Variants in PARN observed in about 807,000 individuals in gnomAD.
The protein encoded by PARN is poly(A)-specific ribonuclease PARN.
A neutral mutation model predicts 102.8 loss-of-function variants in PARN; 71 were observed. The observed-to-expected ratio is 0.69, with a 90% CI of 0.57 to 0.84. The LOEUF (loss-of-function observed/expected upper bound fraction) is 0.84. Among genes scored for constraint, PARN ranks in the 40% least tolerant of loss-of-function variants. The probability of loss-of-function intolerance (pLI) is 0.00; values close to 1 mark genes in which losing one functional copy is unlikely to be tolerated. For synonymous variants in PARN, 261 were observed against 252.9 expected (o/e 1.03, Z -0.30); for missense variants, 782 against 760.9 (o/e 1.03, Z -0.33).
chr16:14,552,036 C>T lies in PARN; in HGVS notation c.1465G>A (p.Glu489Lys), dbSNP rs576638299. The part of the protein sequence containing the change: ...TSAFVSLSQP[E>K]QVKIAVNTSK... ...AAACACTTACCAATCTTTACTTGCT[C>T]GGGCTGGCTAAGGGAAACAAATGCT... is the stretch of plus-strand genomic sequence containing the variant. The change falls in exon 21 of 24, where the codon GAG becomes AAG. Residue 489 changes from glutamate (E) to lysine (K), a missense_variant. Transcript: ENST00000437198. 16 of 1,611,242 alleles carry T rather than the reference C, an allele frequency of 9.9e-6. No individual in the cohort carries two copies. Among genetic ancestry groups the T allele is most frequent in the African/African-American group, 2.7e-5 (2 of 74,944 alleles).
chr16:14,456,046 A>G (rs527531215), intron 22 of PARN, among the ~76,000 whole-genome samples: 47 of 152,332 alleles, frequency 3.1e-4, no homozygotes, highest in African/African-American at 1.1e-3. Flanking sequence ...TGGAAAAACT[A>G]TGGGAAATCA....
intron 5 of PARN, among the ~76,000 whole-genome samples, chr16:14,623,276 G>A (rs1298772878): frequency 6.6e-6 from 1 of 151,974 alleles, no homozygotes; most frequent in Non-Finnish European, 1.5e-5. Flanking sequence ...AGCACTTTGG[G>A]AGGCCGAGGT....
intron 23 of PARN, among the ~76,000 whole-genome samples, chr16:14,439,352 G>A (rs922566671): frequency 2.0e-5 from 3 of 147,196 alleles, no homozygotes; most frequent in South Asian, 4.5e-4. Flanking sequence ...AGCCTGGGTG[G>A]GTGACAGAGT....
intron 13 of PARN, among the ~76,000 whole-genome samples, chr16:14,587,367 C>G (rs1054471487): frequency 6.6e-6 from 1 of 152,166 alleles, no homozygotes; most frequent in Non-Finnish European, 1.5e-5. Context: ...CAGTTCTAGA[C>G]CAATGTCTTC....
At chr16:14,530,220 A>G (rs1275330790) in intron 21 of PARN, among the ~76,000 whole-genome samples, 2 of 152,212 alleles carry the variant, frequency 1.3e-5, no homozygotes, top group African/African-American at 2.4e-5. Flanking sequence ...TGGAGACCAC[A>G]GGGTGAAGGA....
intron 21 of PARN, among the ~76,000 whole-genome samples, chr16:14,514,011 T>C (rs1362903485): frequency 6.6e-6 from 1 of 152,076 alleles, no homozygotes; most frequent in Non-Finnish European, 1.5e-5. Flanking sequence ...CTAGTGCACA[T>C]AAGGGATTGT....
intron 14 of PARN, among the ~76,000 whole-genome samples, chr16:14,586,110 GCT>G (rs1969840241): frequency 6.6e-6 from 1 of 151,298 alleles, no homozygotes; most frequent in Non-Finnish European, 1.5e-5. Flanking sequence ...CTCCTGAGTA[GCT>G]GGACCACACG....
In PARN at chr16:14,554,155, C is replaced by G. The variant is rs760900593; in HGVS notation, c.1319-4G>C. 5.6e-6 allele frequency: 9 copies of G among 1,600,250 alleles called. No individual in the cohort carries two copies. The highest frequency in any genetic ancestry group is 6.8e-6 in the Non-Finnish European group (8 of 1,170,652). ...ACATGATCACGTTTAGGCTGCACTA[C>G]AAGACAAATTTATGATGAAATATTG... On this transcript the variant is annotated splice_polypyrimidine_tract_variant and splice_region_variant and intron_variant, in intron 19 of 23. Transcript: ENST00000437198.
intron 5 of PARN, among the ~76,000 whole-genome samples, chr16:14,617,936 G>A (rs752933955): frequency 2.0e-5 from 3 of 152,096 alleles, no homozygotes; most frequent in Non-Finnish European, 4.4e-5. Context: ...CAAACTTCCG[G>A]ACTCAAGCAA....
intron 23 of PARN, among the ~76,000 whole-genome samples, chr16:14,445,108 G>C (rs1961139722): frequency 6.9e-6 from 1 of 145,400 alleles, no homozygotes; most frequent in Admixed American, 7.3e-5. Flanking sequence ...GATTATAGTT[G>C]TGAGCTACCA....
intron 18 of PARN, among the ~76,000 whole-genome samples, chr16:14,561,399 C>G (rs187582623): frequency 1.3e-5 from 2 of 152,250 alleles, no homozygotes; most frequent in Admixed American, 6.5e-5. Flanking sequence ...TGAGAATCAC[C>G]GAGTTAACAG....
At chr16:14,592,590 G>A (rs997933631) in intron 13 of PARN, among the ~76,000 whole-genome samples, 1 of 152,148 alleles carries the variant, frequency 6.6e-6, no homozygotes, top group African/African-American at 2.4e-5. Context: ...GCACTACTGA[G>A]GTCAGCAGAG....
chr16:14,602,159 T>C (rs1970911938), intron 11 of PARN: 1 of 152,022 alleles, frequency 6.6e-6, no homozygotes, highest in Non-Finnish European at 1.5e-5. Flanking sequence ...AAAAAACTAC[T>C]GCCAGGGCTG....
chr16:14,619,391 G>A (rs1972141221), intron 5 of PARN, among the ~76,000 whole-genome samples: 2 of 151,212 alleles, frequency 1.3e-5, no homozygotes, highest in Admixed American at 1.3e-4. Context: ...CTGGAGCCCA[G>A]GAGTTTGTGT....
intron 23 of PARN, among the ~76,000 whole-genome samples, chr16:14,442,506 T>C (rs1960987636): frequency 6.6e-6 from 1 of 152,162 alleles, no homozygotes; most frequent in African/African-American, 2.4e-5. Flanking sequence ...GAAACAACCA[T>C]ACTTACAAGA....
intron 5 of PARN, among the ~76,000 whole-genome samples, chr16:14,621,446 T>C (rs1972292543): frequency 6.6e-6 from 1 of 152,212 alleles, no homozygotes; most frequent in Non-Finnish European, 1.5e-5. Context: ...TTAATGCCAC[T>C]GAGCTATACA....
At chr16:14,629,791 G>C (rs1264986679) in intron 1 of PARN, 117 bp from the exon 2 acceptor site, 1 of 798,692 alleles carries the variant, frequency 1.3e-6, no homozygotes, top group Non-Finnish European at 2.2e-6. Flanking sequence ...AAGTCCCGGA[G>C]GTGTGCACCG....
At chr16:14,448,339 G>C (rs1451684664) in intron 22 of PARN, among the ~76,000 whole-genome samples, 3 of 152,246 alleles carry the variant, frequency 2.0e-5, no homozygotes, top group East Asian at 1.9e-4. Context: ...AGTAGAGATG[G>C]GGTTTCACCA....
rs1962010143 is a variant in PARN at position 14,461,968 on chromosome 16, C to T, written c.1671-14887G>A. Among the ~76,000 whole-genome samples the T allele has an allele frequency of 1.3e-5, 2 of 152,186 alleles. 1 individual carries two copies. The highest frequency in any genetic ancestry group is 4.1e-4 in the South Asian group (2 of 4,832). ...TTAGGATGTGCATCTGTTTTCTACA[C>T]AGGGATGAGTGGACTGAAGAGCTAG... On this transcript the variant is annotated intron_variant, in intron 22 of 23. Coordinates refer to ENST00000437198, the MANE Select transcript of PARN (RefSeq NM_002582.4).
Sources: gnomAD v4.1 joint callset for allele counts (sites outside exome capture counted in the v4.1 genomes callset) on GRCh38, gnomAD v4.1.1 for gene constraint, MANE v1.5 for transcripts, NCBI Gene and HGNC (gene_info 2026-07-23, HGNC 2026-07-21) for gene names.